Variants in ZNF705A observed in about 807,000 individuals in gnomAD.
ZNF705A encodes the protein zinc finger protein 705A.
A neutral mutation model predicts 16.6 loss-of-function variants in ZNF705A; 8 were observed. The observed-to-expected ratio is 0.48, with a 90% CI of 0.28 to 0.87. The LOEUF (loss-of-function observed/expected upper bound fraction) is 0.87, where lower values mean the gene tolerates loss of function less well. Among genes scored for constraint, ZNF705A ranks in the 40% least tolerant of loss-of-function variants. ZNF705A has a pLI of 0.10. For synonymous variants in ZNF705A, 73 were observed against 117.3 expected (o/e 0.62, Z 2.44); for missense variants, 233 against 359.9 (o/e 0.65, Z 2.85).
At chr12:8,174,426 A>C (rs1388907829) in exon 2 of ZNF705A, 7 of 1,594,404 alleles carry the variant, frequency 4.4e-6, no homozygotes, top group Non-Finnish European at 5.9e-6. Flanking sequence ...GTGATGCTGG[A>C]AAATATCAGT....
At chr12:8,177,818 A>G in exon 5 of ZNF705A, 2 of 681,626 alleles carry the variant, frequency 2.9e-6, no homozygotes, top group Non-Finnish European at 4.8e-6. Flanking sequence ...AAGGACTCAT[A>G]TTTTGAAGAA....
At chr12:8,160,493 T>G (rs1365011766) in intron 1 of ZNF705A, among the ~76,000 whole-genome samples, 1 of 152,158 alleles carries the variant, frequency 6.6e-6, no homozygotes, top group Non-Finnish European at 1.5e-5. Context: ...CATCTATAAT[T>G]TCTTTCAGCA....
chr12:8,171,935 C>T (rs145835536), upstream of ZNF705A, among the ~76,000 whole-genome samples: 1,443 of 152,276 alleles, frequency 9.5e-3, 16 homozygotes, highest in African/African-American at 0.031. Context: ...CGGGGTTTCA[C>T]CATGTTGGCC....
At chr12:8,168,898 G>T (rs190765910), upstream of ZNF705A, 44 of 152,190 alleles carry the variant, frequency 2.9e-4, no homozygotes, top group Admixed American at 2.5e-3. Flanking sequence ...TAAGTACTTA[G>T]ATTATTTTTT....
intron 1 of ZNF705A, among the ~76,000 whole-genome samples, chr12:8,162,954 C>G (rs1273388588): frequency 6.6e-6 from 1 of 152,198 alleles, no homozygotes; most frequent in Non-Finnish European, 1.5e-5. Flanking sequence ...TCATCCACTA[C>G]TGTATGAACT....
chr12:8,166,780 G>T (rs1013831402), intron 1 of ZNF705A, among the ~76,000 whole-genome samples: 8 of 152,234 alleles, frequency 5.3e-5, no homozygotes, highest in African/African-American at 1.9e-4. Flanking sequence ...GAGCTGGAGT[G>T]GCTGAGACCT....
At chr12:8,170,633 G>A (rs993508403), upstream of ZNF705A, among the ~76,000 whole-genome samples, 3 of 152,100 alleles carry the variant, frequency 2.0e-5, no homozygotes, top group African/African-American at 4.8e-5. Context: ...AGCTTACATG[G>A]TAATAATATT....
Position 8,174,259 on chromosome 12 carries a change from C to T in ZNF705A, c.13-67C>T. On this transcript the variant is annotated intron_variant, in intron 1 of 4. Transcript: ENST00000359286. ...TACCCAGCTCCTAGCTATGTCATCT[C>T]AGCCTTCCTCTTCCGGACATTGAAA... The T allele has an allele frequency of 2.5e-6, 4 of 1,596,098 alleles. No homozygotes were observed. In the South Asian group the frequency reaches 4.4e-5, roughly 18 times the overall value.
chr12:8,168,983 T>C (rs777808419), upstream of ZNF705A: 1 of 152,356 alleles, frequency 6.6e-6, no homozygotes, highest in Admixed American at 6.5e-5. Flanking sequence ...TTACGTACTA[T>C]ATTCAGGTAT....
At chr12:8,164,483 C>G (rs1948382229) in intron 1 of ZNF705A, among the ~76,000 whole-genome samples, 1 of 152,206 alleles carries the variant, frequency 6.6e-6, no homozygotes, top group African/African-American at 2.4e-5. Flanking sequence ...CTGATACTCT[C>G]CCTCCACCTG....
chr12:8,175,895 T>A, exon 4 of ZNF705A: 1 of 1,611,516 alleles, frequency 6.2e-7, no homozygotes, highest in Non-Finnish European at 8.5e-7. Flanking sequence ...ACACATGATA[T>A]CCATGCATCC....
chr12:8,161,111 T>C (rs1257779389), intron 1 of ZNF705A, among the ~76,000 whole-genome samples: 1 of 152,236 alleles, frequency 6.6e-6, no homozygotes, highest in African/African-American at 2.4e-5. Context: ...TAATTCTGTT[T>C]ATGTGGTGTA....
intron 1 of ZNF705A, among the ~76,000 whole-genome samples, chr12:8,159,571 A>AT (rs1308364875): frequency 2.6e-5 from 4 of 151,678 alleles, no homozygotes; most frequent in Admixed American, 2.0e-4. Flanking sequence ...GATGCTGAGG[A>AT]TTTTTTTTGA....
upstream of ZNF705A, chr12:8,157,033 A>G (rs139883285): frequency 2.6e-4 from 104 of 398,078 alleles, no homozygotes; most frequent in African/African-American, 2.0e-3. Context: ...AAAAATCTGC[A>G]TAATGGAAAA....
intron 4 of ZNF705A, 129 bp from the exon 6 acceptor site, chr12:8,176,870 C>G: frequency 7.2e-7 from 1 of 1,395,278 alleles, no homozygotes; most frequent in Non-Finnish European, 9.7e-7. Context: ...TCCTTTCACA[C>G]AAGAAACATT....
chr12:8,165,426 G>A (rs1330091156), intron 1 of ZNF705A, among the ~76,000 whole-genome samples: 2 of 143,670 alleles, frequency 1.4e-5, no homozygotes, highest in Non-Finnish European at 3.0e-5. Context: ...GGGACTACAG[G>A]CACCTGCCAC....
At chr12:8,157,752 A>G (rs1948321273) in intron 1 of ZNF705A, among the ~76,000 whole-genome samples, 1 of 152,178 alleles carries the variant, frequency 6.6e-6, no homozygotes, top group South Asian at 2.1e-4. Flanking sequence ...AATGAGTTTG[A>G]CAAGTTTTTA....
intron 1 of ZNF705A, among the ~76,000 whole-genome samples, chr12:8,163,804 A>G (rs991653407): frequency 3.3e-5 from 5 of 152,164 alleles, no homozygotes; most frequent in African/African-American, 1.2e-4. Context: ...ATCCCCACCT[A>G]TCATTTTTGA....
chr12:8,158,650 G>A (rs748923549), intron 1 of ZNF705A, among the ~76,000 whole-genome samples: 67 of 151,536 alleles, frequency 4.4e-4, no homozygotes, highest in African/African-American at 6.1e-4. Context: ...TCTTGAATAC[G>A]TTTCTAGAAA....
Sources: gnomAD v4.1 joint callset for allele counts (sites outside exome capture counted in the v4.1 genomes callset) on GRCh38, gnomAD v4.1.1 for gene constraint, MANE v1.5 for transcripts, NCBI Gene and HGNC (gene_info 2026-07-23, HGNC 2026-07-21) for gene names.